The following PHIP variants were observed in gnomAD, a reference collection of about 807,000 sequenced individuals.
The protein encoded by PHIP is PH-interacting protein.
Under a neutral mutation model 236.8 loss-of-function variants are expected in PHIP, and 54 were observed. The ratio of observed to expected loss-of-function variants is 0.23; its 90% CI spans 0.18 to 0.29. The LOEUF (loss-of-function observed/expected upper bound fraction) is 0.29, where lower values mean the gene tolerates loss of function less well. PHIP is among the 10% of genes least tolerant of loss of function. The pLI is 1.00. For synonymous variants in PHIP, 756 were observed against 718.9 expected, an observed-to-expected ratio of 1.05 and a Z score of -0.83; for missense variants, 1,370 against 2,190.8, an observed-to-expected ratio of 0.63 and a Z score of 7.48.
chr6:79,011,918 C>T (rs561219154), intron 15 of PHIP, among the ~76,000 whole-genome samples: 1 of 151,386 alleles, frequency 6.6e-6, no homozygotes, highest in African/African-American at 2.4e-5. Flanking sequence ...ATACTTATTA[C>T]AATGATGACT....
At chr6:78,960,402 T>C (rs1018853287) in intron 31 of PHIP, among the ~76,000 whole-genome samples, 2 of 152,040 alleles carry the variant, frequency 1.3e-5, no homozygotes, top group African/African-American at 2.4e-5. Context: ...TTCCAATCTT[T>C]AGCAATTTAA....
intron 39 of PHIP, 38 bp downstream of exon 39, chr6:78,945,262 G>T (rs936610248): frequency 7.3e-6 from 10 of 1,365,164 alleles, no homozygotes; most frequent in Non-Finnish European, 1.0e-5. Context: ...TTATAATAAG[G>T]ATCTACTGTA....
intron 36 of PHIP, 97 bp downstream of exon 36, chr6:78,947,526 T>A (rs1022555252): frequency 2.5e-5 from 15 of 608,212 alleles, no homozygotes; most frequent in Non-Finnish European, 4.0e-5. Context: ...AACAGAAAGT[T>A]AACTTTGACC....
intron 6 of PHIP, among the ~76,000 whole-genome samples, chr6:79,046,830 C>G (rs1185341286): frequency 6.6e-6 from 1 of 150,694 alleles, no homozygotes; most frequent in African/African-American, 2.4e-5. Context: ...AAGTTGAGAT[C>G]ATGCCACTGC....
chr6:79,022,094 T>A (rs776218253), intron 9 of PHIP, among the ~76,000 whole-genome samples: 5 of 152,192 alleles, frequency 3.3e-5, no homozygotes, highest in African/African-American at 4.8e-5. Context: ...TGTTTTTAGA[T>A]GCATTATTTG....
chr6:78,953,373 C>T (rs1766190124), intron 35 of PHIP, among the ~76,000 whole-genome samples: 1 of 152,146 alleles, frequency 6.6e-6, no homozygotes, highest in African/African-American at 2.4e-5. Flanking sequence ...AAAACATTGT[C>T]TTATTTCTAT....
intron 6 of PHIP, among the ~76,000 whole-genome samples, chr6:79,049,753 T>C (rs528752389): frequency 2.6e-5 from 4 of 152,196 alleles, no homozygotes; most frequent in African/African-American, 9.6e-5. Context: ...GCTATATTCA[T>C]GACTAGACAT....
chr6:79,071,383 A>G (rs1412649388), intron 4 of PHIP, among the ~76,000 whole-genome samples: 1 of 152,220 alleles, frequency 6.6e-6, no homozygotes, highest in Non-Finnish European at 1.5e-5. Context: ...CATAGGTCCA[A>G]TAACATTATT....
At chr6:78,969,659 C>T (rs1767390749) in intron 27 of PHIP, among the ~76,000 whole-genome samples, 176 bp downstream of exon 27, 1 of 151,974 alleles carries the variant, frequency 6.6e-6, no homozygotes, top group Non-Finnish European at 1.5e-5. Context: ...TGTTTTCATT[C>T]CTAAACAAAA....
intron 6 of PHIP, among the ~76,000 whole-genome samples, chr6:79,044,263 G>C (rs1772363164): frequency 1.3e-5 from 2 of 152,194 alleles, no homozygotes; most frequent in East Asian, 1.9e-4. Flanking sequence ...CTGTTAGCAT[G>C]TAAGTTCTAT....
At chr6:78,941,522 C>CA (rs1773500850) in intron 39 of PHIP, among the ~76,000 whole-genome samples, 192 bp from the exon 40 acceptor site, 1 of 147,482 alleles carries the variant, frequency 6.8e-6, no homozygotes, top group Admixed American at 6.8e-5. Flanking sequence ...TTAAAAGAGA[C>CA]AGATTCTTAA....
At position 78,935,290 on chromosome 6, in the gene PHIP, A is replaced by T. The variant is rs1377202610; in HGVS notation, c.*5403T>A. On this transcript the variant is annotated 3_prime_UTR_variant, in exon 40 of 40. Coordinates refer to ENST00000275034, the MANE Select transcript of PHIP (RefSeq NM_017934.7). ...ACATCTTAGGGAGAAATTAACACAA[A>T]ATTACAAATCACTCCATGTGCTTAA... is the stretch of plus-strand genomic sequence containing the variant. Among the ~76,000 whole-genome samples the T allele has an allele frequency of 6.6e-6, 1 of 152,128 alleles. No homozygotes were observed. The highest frequency in any genetic ancestry group is 2.4e-5 in the African/African-American group (1 of 41,452).
intron 6 of PHIP, among the ~76,000 whole-genome samples, chr6:79,045,360 T>G (rs1468226976): frequency 2.6e-5 from 4 of 152,166 alleles, no homozygotes; most frequent in Non-Finnish European, 5.9e-5. Context: ...AATAGGTAGA[T>G]AATTTTTATA....
intron 4 of PHIP, among the ~76,000 whole-genome samples, chr6:79,066,974 A>T (rs897245344): frequency 6.6e-6 from 1 of 152,116 alleles, no homozygotes; most frequent in African/African-American, 2.4e-5. Flanking sequence ...TTGCAGCCTC[A>T]AATTCCTGGG....
In PHIP at chr6:78,938,308, G is replaced by C. The variant is rs1487785299; in HGVS notation, c.*2385C>G. ...TAGAACAGGAATAATACATTTACATGTTATAGGAAAGATGGTAAATACTCA... is the reference window on the plus strand; with the variant it reads ...TAGAACAGGAATAATACATTTACATCTTATAGGAAAGATGGTAAATACTCA... On this transcript the variant is annotated 3_prime_UTR_variant, in exon 40 of 40. Coordinates refer to ENST00000275034, the MANE Select transcript of PHIP (RefSeq NM_017934.7). 2.0e-5 allele frequency: 3 copies of C among 151,586 alleles called. No individual in the cohort carries two copies. Among genetic ancestry groups the C allele is most frequent in the Admixed American group, 6.6e-5 (1 of 15,244 alleles). The allele number at this position is 151,586 out of a possible 1,614,324, so 9.4% of individuals were successfully genotyped here.
chr6:79,026,235 T>G, intron 7 of PHIP, 71 bp from the exon 8 acceptor site: 2 of 1,061,516 alleles, frequency 1.9e-6, no homozygotes, highest in Non-Finnish European at 2.9e-6. Flanking sequence ...CACTGATAAA[T>G]CTACCTGTTC....
chr6:79,018,241 C>A (rs1770931521), intron 10 of PHIP, among the ~76,000 whole-genome samples: 1 of 151,904 alleles, frequency 6.6e-6, no homozygotes, highest in South Asian at 2.1e-4. Flanking sequence ...TCAGAGTATT[C>A]TGGATGCATG....
At chr6:78,949,071 A>C (rs1773991489) in intron 35 of PHIP, among the ~76,000 whole-genome samples, 2 of 152,142 alleles carry the variant, frequency 1.3e-5, no homozygotes, top group Non-Finnish European at 2.9e-5. Context: ...CCTAATTCTT[A>C]GGGGGAAAGC....
rs1408493465 is a variant in PHIP, at chr6:78,947,754, T to C, written c.4075A>G (p.Thr1359Ala). The C allele has an allele frequency of 6.2e-7, 1 of 1,608,456 alleles. No homozygotes were observed. Among genetic ancestry groups the C allele is most frequent in the African/African-American group, 1.3e-5 (1 of 74,746 alleles). The change falls in exon 36 of 40, where the codon ACT becomes GCT. Residue 1359 changes from threonine to alanine, a missense_variant. Around this residue, in one of 14 missense-constraint regions of PHIP, gnomAD observed 125 missense variants for 235.1 expected, o/e 0.53. Transcript: ENST00000275034. ...EYPDYRDIID[T>A]PMDFATVRET... ...CTAACGGTAGCAAAATCCATTGGAG[T>C]GTCAATGATGTCTCTGTAGTCCTAG... is the stretch of plus-strand genomic sequence containing the variant.
Sources: gnomAD v4.1 joint callset for allele counts (sites outside exome capture counted in the v4.1 genomes callset) on GRCh38, gnomAD v4.1.1 for gene constraint, gnomAD v4.1.1 regional missense constraint, MANE v1.5 for transcripts, NCBI Gene and HGNC (gene_info 2026-07-23, HGNC 2026-07-21) for gene names.